HDAC9: variants seen among roughly 807,000 people sequenced by gnomAD.
HDAC9 encodes histone deacetylase 9.
In HDAC9, 41 loss-of-function variants were observed where a neutral mutation model predicts 139.4. The observed-to-expected ratio is 0.29, with a 90% confidence interval of 0.23 to 0.38. The LOEUF (loss-of-function observed/expected upper bound fraction) is 0.38. Among genes scored for constraint, HDAC9 ranks in the 10% least tolerant of loss-of-function variants. The pLI, the probability that HDAC9 is intolerant of heterozygous loss-of-function variation, is 1.00. For missense variants in HDAC9, 1,147 were observed against 1,297.0 expected, an observed-to-expected ratio of 0.88 and a Z score of 1.78; for synonymous variants, 517 against 476.2, an observed-to-expected ratio of 1.09 and a Z score of -1.12.
intron 2 of HDAC9, among the ~76,000 whole-genome samples, chr7:18,240,524 G>GA (rs1794121474): frequency 6.6e-6 from 1 of 152,048 alleles, no homozygotes; most frequent in South Asian, 2.1e-4. Context: ...ATTCCTCTGA[G>GA]AAAAAAATAT....
chr7:18,801,154 A>G (rs1305642880), intron 17 of HDAC9, among the ~76,000 whole-genome samples: 1 of 152,046 alleles, frequency 6.6e-6, no homozygotes, highest in Non-Finnish European at 1.5e-5. Context: ...ATAATGCTGA[A>G]GACAATTGAA....
At chr7:18,557,944 A>G (rs1458457008) in intron 2 of HDAC9, among the ~76,000 whole-genome samples, 1 of 152,036 alleles carries the variant, frequency 6.6e-6, no homozygotes, top group Admixed American at 6.6e-5. Flanking sequence ...TTCTTTAACA[A>G]TATAGGAAAC....
At chr7:18,762,634 T>C (rs1391749362) in intron 15 of HDAC9, among the ~76,000 whole-genome samples, 1 of 152,218 alleles carries the variant, frequency 6.6e-6, no homozygotes, top group East Asian at 1.9e-4. Flanking sequence ...TCTTCACCGT[T>C]CCCATTTTTT....
chr7:18,124,190 T>G (rs1397054441), intron 1 of HDAC9, among the ~76,000 whole-genome samples: 2 of 152,198 alleles, frequency 1.3e-5, no homozygotes, highest in Non-Finnish European at 2.9e-5. Flanking sequence ...CTGTCATCAC[T>G]TTGCCGAGCT....
At chr7:18,904,884 C>CT (rs200330498) in intron 22 of HDAC9, among the ~76,000 whole-genome samples, 3,013 of 151,260 alleles carry the variant, frequency 0.02, 45 homozygotes, top group Middle Eastern at 0.044. Flanking sequence ...CACTTCTTTT[C>CT]TTTTTTTTAA....
chr7:18,647,256 A>T (rs1562736603), intron 9 of HDAC9, among the ~76,000 whole-genome samples: 1 of 152,094 alleles, frequency 6.6e-6, no homozygotes, highest in Admixed American at 6.6e-5. Context: ...TGAAATAAGC[A>T]TTTTTTGTTT....
intron 2 of HDAC9, among the ~76,000 whole-genome samples, chr7:18,515,141 G>A (rs1802759392): frequency 6.6e-6 from 1 of 152,014 alleles, no homozygotes; most frequent in Non-Finnish European, 1.5e-5. Flanking sequence ...TATTTTATTG[G>A]GTTTTACACC....
chr7:18,509,127 CAG>C (rs1800670305), intron 2 of HDAC9: 1 of 219,354 alleles, frequency 4.6e-6, no homozygotes, highest in Non-Finnish European at 7.7e-6. Flanking sequence ...GGTGGATACA[CAG>C]AGTAGGTTGG....
chr7:18,132,970 ACTGG>A (rs369490262), intron 1 of HDAC9, among the ~76,000 whole-genome samples: 32 of 152,146 alleles, frequency 2.1e-4, no homozygotes, highest in African/African-American at 6.3e-4. Flanking sequence ...AATTAAATCA[ACTGG>A]CTGTGAACTT....
intron 1 of HDAC9, among the ~76,000 whole-genome samples, chr7:18,119,090 C>G (rs1303572705): frequency 6.6e-6 from 1 of 152,026 alleles, no homozygotes; most frequent in Non-Finnish European, 1.5e-5. Flanking sequence ...TCCTGTTTCA[C>G]TTTTTGGTTG....
chr7:18,605,258 C>T (rs73309431), intron 6 of HDAC9, among the ~76,000 whole-genome samples: 3,459 of 152,234 alleles, frequency 0.023, 133 homozygotes, highest in African/African-American at 0.079. Flanking sequence ...AGGCGTTGGA[C>T]AGGAGAAATG....
At chr7:18,930,038 T>G (rs1804596162) in intron 22 of HDAC9, among the ~76,000 whole-genome samples, 1 of 152,184 alleles carries the variant, frequency 6.6e-6, no homozygotes, top group Non-Finnish European at 1.5e-5. Flanking sequence ...TAGGGATGTC[T>G]GTCAAGGCTG....
In HDAC9 at chr7:18,549,745, G is replaced by GTT. The variant is rs538089618; in HGVS notation, c.23-35525_23-35524dup. Reference sequence around the variant, plus strand: ...ATAATTATTTCAAAATAAAAAGGTGGTTTTTTTTTTTTGGTAAAGTCATAT... The same window carrying GTT: ...ATAATTATTTCAAAATAAAAAGGTGGTTTTTTTTTTTTTTGGTAAAGTCATAT... On this transcript the variant is annotated intron_variant, in intron 2 of 25. Transcript: ENST00000686413. Among the ~76,000 whole-genome samples the GTT allele has an allele frequency of 5.6e-5, 8 of 142,438 alleles. No homozygotes were observed. The South Asian group carries it at 8.9e-4, about 16-fold the overall frequency. 93.4% of individuals were successfully genotyped at this position (142,438 alleles called of 152,430 possible). A position where few individuals can be genotyped will look rare whatever the true frequency, so the allele number is the denominator to read the frequency against.
chr7:18,539,090 C>T lies in HDAC9; in HGVS notation c.22+42766C>T, dbSNP rs576754707. 9.9e-5 allele frequency among the ~76,000 whole-genome samples: 15 copies of T among 152,234 alleles called. No homozygotes were observed. In the South Asian group the frequency reaches 3.1e-3, roughly 32 times the overall value. ...CAAAAGCCCCACCTCCAAATGCTAT[C>T]AACATATGAATTTGGAGATTAAATT... On this transcript the variant is annotated intron_variant, in intron 2 of 25. Transcript: ENST00000686413.
At chr7:18,757,532 A>C (rs1010675095) in intron 14 of HDAC9, among the ~76,000 whole-genome samples, 1 of 152,112 alleles carries the variant, frequency 6.6e-6, no homozygotes, top group Non-Finnish European at 1.5e-5. Context: ...CCCTAACCAA[A>C]GGCACTGCTT....
intron 11 of HDAC9, among the ~76,000 whole-genome samples, chr7:18,663,214 T>C (rs1292032087): frequency 1.3e-5 from 2 of 152,052 alleles, no homozygotes; most frequent in African/African-American, 4.8e-5. Flanking sequence ...CTGATAAAGA[T>C]AGGTCTCAGG....
At chr7:18,702,160 C>A (rs569495578) in intron 12 of HDAC9, among the ~76,000 whole-genome samples, 1 of 152,186 alleles carries the variant, frequency 6.6e-6, no homozygotes, top group African/African-American at 2.4e-5. Context: ...GACAGGCTGT[C>A]GCTTGTGCCA....
At chr7:18,904,714 T>G (rs777931794) in intron 22 of HDAC9, among the ~76,000 whole-genome samples, 62 of 150,360 alleles carry the variant, frequency 4.1e-4, no homozygotes, top group Admixed American at 7.3e-4. Context: ...TAGCTGGGAC[T>G]ACAGGCAACC....
chr7:18,723,319 A>G (rs1375044544), intron 12 of HDAC9, among the ~76,000 whole-genome samples: 1 of 152,174 alleles, frequency 6.6e-6, no homozygotes, highest in African/African-American at 2.4e-5. Flanking sequence ...AATGATATGC[A>G]TGGGAATATA....
Sources: allele counts gnomAD v4.1 joint callset (sites outside exome capture counted in the v4.1 genomes callset), GRCh38; gene constraint gnomAD v4.1.1; transcripts MANE v1.5; gene names NCBI Gene and HGNC (gene_info 2026-07-23, HGNC 2026-07-21).